The following PHLPP2 variants were observed in gnomAD, a reference collection of about 807,000 sequenced individuals.
The protein encoded by PHLPP2 is PH domain leucine-rich repeat-containing protein phosphatase 2.
PHLPP2 carries 66 observed loss-of-function variants against 124.9 expected under a neutral mutation model. The observed-to-expected ratio is 0.53, with a 90% CI of 0.43 to 0.65. The LOEUF is 0.65. Ranked by LOEUF, PHLPP2 falls within the 30% of genes least tolerant of loss-of-function variation. PHLPP2 has a pLI of 0.00. For missense variants in PHLPP2, 1,685 were observed against 1,600.4 expected (o/e 1.05, Z -0.90); for synonymous variants, 681 against 624.7 (o/e 1.09, Z -1.34).
At chr16:71,656,063 CTA>C (rs2145308999) in intron 16 of PHLPP2, among the ~76,000 whole-genome samples, 1 of 151,460 alleles carries the variant, frequency 6.6e-6, no homozygotes, top group South Asian at 2.2e-4. Flanking sequence ...CAGAGCACAC[CTA>C]TGGTTGAAAA....
At chr16:71,702,454 T>C in intron 3 of PHLPP2, 144 bp downstream of exon 3, 1 of 549,804 alleles carries the variant, frequency 1.8e-6, no homozygotes, top group Non-Finnish European at 3.1e-6. Flanking sequence ...GCTTTTGTTG[T>C]TGTTTGGTTG....
At chr16:71,676,374 A>G in intron 9 of PHLPP2, 73 bp downstream of exon 9, 1 of 1,175,960 alleles carries the variant, frequency 8.5e-7, no homozygotes, top group South Asian at 1.3e-5. Flanking sequence ...GGAACACCAC[A>G]GGTGCCACTG....
intron 1 of PHLPP2, among the ~76,000 whole-genome samples, chr16:71,717,607 G>A (rs2045371466): frequency 6.6e-6 from 1 of 152,134 alleles, no homozygotes; most frequent in South Asian, 2.1e-4. Flanking sequence ...CCACTGAATA[G>A]TCAAATACTG....
chr16:71,698,988 A>C (rs1156730316), intron 3 of PHLPP2, among the ~76,000 whole-genome samples: 1 of 152,174 alleles, frequency 6.6e-6, no homozygotes, highest in Non-Finnish European at 1.5e-5. Context: ...ATTCCAAATA[A>C]GCTGATGCAC....
At chr16:71,658,203 AT>A in intron 15 of PHLPP2, 29 bp downstream of exon 15, 1 of 1,604,828 alleles carries the variant, frequency 6.2e-7, no homozygotes, top group Non-Finnish European at 8.5e-7. Context: ...CTAAGAGCAC[AT>A]AGAGATTCCA....
chr16:71,669,598 A>G (rs1023656516), intron 10 of PHLPP2, among the ~76,000 whole-genome samples: 1 of 152,242 alleles, frequency 6.6e-6, no homozygotes, highest in South Asian at 2.1e-4. Flanking sequence ...TACTGGATCA[A>G]TTATGTTGCA....
At position 71,656,508 on chromosome 16, in the gene PHLPP2, C is replaced by T. The variant is rs917405079; in HGVS notation, c.2390+63G>A. ...TGGCCTAGCTATTATGAGCATCAGG[C>T]CAGTTCTCAGATGCCAGGGGCTGCC... On this transcript the variant is annotated intron_variant, in intron 16 of 18. Transcript: ENST00000568954. The T allele has an allele frequency of 6.8e-6, 6 of 882,370 alleles. No homozygotes were observed. In the African/African-American group the frequency reaches 8.3e-5, roughly 12 times the overall value. The allele number at this position is 882,370 out of a possible 1,614,324, so 54.7% of individuals were successfully genotyped here. A position where few individuals can be genotyped will look rare whatever the true frequency, so the allele number is the denominator to read the frequency against.
Position 71,679,402 on chromosome 16 carries a change from C to G in PHLPP2, c.1024G>C (p.Gly342Arg). The G allele has an allele frequency of 6.2e-7, 1 of 1,613,786 alleles. No individual in the cohort carries two copies. The highest frequency in any genetic ancestry group is 8.5e-7 in the Non-Finnish European group (1 of 1,179,808). The change falls in exon 7 of 19, where the codon GGC (glycine) becomes CGC (arginine). Residue 342 changes from glycine (G) to arginine (R), a missense_variant. Gly to Arg is a moderately radical substitution (Grantham distance 125). Transcript: ENST00000568954. Reference protein sequence around the residue: ...NGFHDLPSQIGNLLNLQTLCL... With the variant: ...NGFHDLPSQIRNLLNLQTLCL... ...AAAGTTACTTACTTTAGCAGATTGC[C>G]AATTTGACTTGGTAGGTCATGAAAT... is the stretch of plus-strand genomic sequence containing the variant.
chr16:71,682,012 G>GAA (rs11439127), intron 5 of PHLPP2, 107 bp from the exon 6 acceptor site: 817 of 641,398 alleles, frequency 1.3e-3, no homozygotes, highest in South Asian at 2.7e-3. Flanking sequence ...AAAAAGATAG[G>GAA]AAAAAAAAGG....
chr16:71,675,604 G>T (rs1957042980), intron 9 of PHLPP2, among the ~76,000 whole-genome samples: 1 of 152,212 alleles, frequency 6.6e-6, no homozygotes, highest in African/African-American at 2.4e-5. Flanking sequence ...TAGCACAAGA[G>T]CAAGAATGTA....
intron 1 of PHLPP2, among the ~76,000 whole-genome samples, chr16:71,716,097 T>C (rs755588883): frequency 3.3e-5 from 5 of 152,216 alleles, no homozygotes; most frequent in Non-Finnish European, 5.9e-5. Flanking sequence ...CCTGTAATTT[T>C]ATTTAGTTCA....
At position 71,648,639 on chromosome 16, in the gene PHLPP2, G is replaced by A. The variant is rs930922656; in HGVS notation, c.*251C>T. Reference sequence around the variant, plus strand: ...AAATAAAACTTAGCCGGGCATAATGGCAGGTGCCTGTAATCCCAGCTACTC... The same window carrying A: ...AAATAAAACTTAGCCGGGCATAATGACAGGTGCCTGTAATCCCAGCTACTC... On this transcript the variant is annotated 3_prime_UTR_variant, in exon 19 of 19. Transcript: ENST00000568954. 1 of 480,388 alleles carries A rather than the reference G, an allele frequency of 2.1e-6. No individual in the cohort carries two copies. The highest frequency in any genetic ancestry group is 4.6e-5 in the South Asian group (1 of 21,942). 29.8% of individuals were successfully genotyped at this position (480,388 alleles called of 1,614,324 possible). A position where few individuals can be genotyped will look rare whatever the true frequency, so the allele number is the denominator to read the frequency against.
At chr16:71,721,056 G>T (rs2145391473) in intron 1 of PHLPP2, among the ~76,000 whole-genome samples, 1 of 152,030 alleles carries the variant, frequency 6.6e-6, no homozygotes, top group African/African-American at 2.4e-5. Flanking sequence ...TTTTGGGGCT[G>T]GGTGCGGTGG....
chr16:71,664,625 T>C (rs1020123912), intron 12 of PHLPP2, among the ~76,000 whole-genome samples: 3 of 151,828 alleles, frequency 2.0e-5, no homozygotes, highest in African/African-American at 7.3e-5. Flanking sequence ...GGTGGTGCAC[T>C]CCTGTAGTCC....
rs1253320277 is a variant in PHLPP2, at chr16:71,649,352, G to A, written c.3510C>T (p.Asp1170=). Residue 1170 remains aspartate, a synonymous_variant, in exon 19 of 19, where the codon GAC becomes GAT. Transcript: ENST00000568954. ...GATCCCTCCCCCTGCAGCAGTGGAT[G>A]TCTACTTCCACCTCTACCTTGCTGC... ...TNGSKVEVEV[D]IHCCRGRDLE... 1.2e-6 allele frequency: 2 copies of A among 1,613,354 alleles called. No individual in the cohort carries two copies. Among genetic ancestry groups the A allele is most frequent in the South Asian group, 1.1e-5 (1 of 91,070 alleles).
intron 2 of PHLPP2, among the ~76,000 whole-genome samples, chr16:71,711,858 C>G (rs1277762988): frequency 6.6e-6 from 1 of 152,190 alleles, no homozygotes; most frequent in Non-Finnish European, 1.5e-5. Context: ...AAACAAGTAA[C>G]AGCTGAGTAA....
Position 71,657,284 on chromosome 16 carries a change from A to T in PHLPP2, c.2280-603T>A, listed in dbSNP as rs1596989400. On this transcript the variant is annotated intron_variant, in intron 15 of 18. Coordinates refer to ENST00000568954, the MANE Select transcript of PHLPP2 (RefSeq NM_015020.3). ...ATAGGGATGGAGTTTTGTCATGTTG[A>T]CCAGGCTGGTCTCAAACTCCTGACC... Among the ~76,000 whole-genome samples the T allele has an allele frequency of 3.3e-5, 5 of 151,112 alleles. No homozygotes were observed. In the South Asian group the frequency reaches 1.1e-3, roughly 32 times the overall value.
In PHLPP2 at chr16:71,648,908, C is replaced by T. The variant is rs765770499; in HGVS notation, c.3954G>A (p.Glu1318=). The stretch of plus-strand genomic sequence containing the variant: ...GGGGCAGTCATAGTGCTGTGTCGAA[C>T]TCCTCCGGGGGCTCGGTCCGATCCT... ...HEEDRTEPPE[E]FDTAL Residue 1318 remains glutamate, a synonymous_variant, in exon 19 of 19, where the codon GAG becomes GAA. Transcript: ENST00000568954. 13 of 1,612,238 alleles carry T rather than the reference C, an allele frequency of 8.1e-6. No homozygotes were observed. Among genetic ancestry groups the T allele is most frequent in the African/African-American group, 2.7e-5 (2 of 74,870 alleles).
chr16:71,671,610 A>G (rs1007698882), intron 10 of PHLPP2, among the ~76,000 whole-genome samples: 2 of 152,108 alleles, frequency 1.3e-5, no homozygotes, highest in Admixed American at 1.3e-4. Context: ...AAAATTAAAT[A>G]ATATTTTAAA....
Sources: allele counts gnomAD v4.1 joint callset (sites outside exome capture counted in the v4.1 genomes callset), GRCh38; gene constraint gnomAD v4.1.1; transcripts MANE v1.5; gene names NCBI Gene and HGNC (gene_info 2026-07-23, HGNC 2026-07-21).